The following ITPR1 variants were observed in gnomAD, a reference collection of about 807,000 sequenced individuals.
ITPR1 encodes inositol 1,4,5-trisphosphate-gated calcium channel ITPR1.
In ITPR1, 96 loss-of-function variants were observed where a neutral mutation model predicts 318.4. The ratio of observed to expected loss-of-function variants is 0.30; its 90% CI spans 0.26 to 0.36. The LOEUF is 0.36. ITPR1 is among the 10% of genes least tolerant of loss of function. The probability of loss-of-function intolerance (pLI) is 1.00; values close to 1 mark genes in which losing one functional copy is unlikely to be tolerated. For synonymous variants in ITPR1, 1,312 were observed against 1,289.9 expected, an observed-to-expected ratio of 1.02 and a Z score of -0.37; for missense variants, 2,440 against 3,460.2, an observed-to-expected ratio of 0.71 and a Z score of 7.40.
At chr3:4,791,442 A>G (rs1159940369) in intron 52 of ITPR1, among the ~76,000 whole-genome samples, 1 of 152,126 alleles carries the variant, frequency 6.6e-6, no homozygotes, top group African/African-American at 2.4e-5. Context: ...TCACATGCAC[A>G]GTTCACAATA....
chr3:4,750,158 A>G (rs1199147168), intron 44 of ITPR1: 2 of 151,290 alleles, frequency 1.3e-5, no homozygotes, highest in Admixed American at 6.6e-5. Flanking sequence ...TATCAAATTT[A>G]CTCCTTAATT....
intron 4 of ITPR1, among the ~76,000 whole-genome samples, chr3:4,616,936 A>G (rs1176170977): frequency 6.6e-6 from 1 of 151,994 alleles, no homozygotes; most frequent in Non-Finnish European, 1.5e-5. Flanking sequence ...CGTTGCCTCC[A>G]GGCCAAAGCA....
At chr3:4,782,486 C>A (rs563233960) in intron 49 of ITPR1, 133 bp from the exon 50 acceptor site, 1 of 851,746 alleles carries the variant, frequency 1.2e-6, no homozygotes, top group Non-Finnish European at 1.8e-6. Context: ...GAGGCTGTGT[C>A]CAAGCCCGAT....
intron 60 of ITPR1, among the ~76,000 whole-genome samples, chr3:4,829,517 G>GA (rs2050302067): frequency 6.6e-6 from 1 of 152,070 alleles, no homozygotes; most frequent in Non-Finnish European, 1.5e-5. Flanking sequence ...TTTTTAATAA[G>GA]AAAAAATTAC....
At chr3:4,777,816 A>G (rs959586619) in intron 48 of ITPR1, among the ~76,000 whole-genome samples, 2 of 151,788 alleles carry the variant, frequency 1.3e-5, no homozygotes, top group African/African-American at 4.8e-5. Context: ...AAAAACAAAC[A>G]TGTATTTTTA....
intron 52 of ITPR1, among the ~76,000 whole-genome samples, chr3:4,788,519 A>G (rs2047347695): frequency 6.6e-6 from 1 of 152,232 alleles, no homozygotes; most frequent in African/African-American, 2.4e-5. Flanking sequence ...TGGCTCATTT[A>G]CTAGCACACC....
chr3:4,722,430 TC>T (rs1372122365), intron 40 of ITPR1, among the ~76,000 whole-genome samples: 1 of 152,042 alleles, frequency 6.6e-6, no homozygotes, highest in Middle Eastern at 3.2e-3. Flanking sequence ...CTCAAAATGT[TC>T]CCCCTAAACA....
intron 4 of ITPR1, among the ~76,000 whole-genome samples, chr3:4,525,120 C>T (rs374093592): frequency 7.2e-5 from 11 of 151,852 alleles, no homozygotes; most frequent in African/African-American, 1.7e-4. Context: ...TGGGTGGGGA[C>T]GTGCACATGA....
chr3:4,554,514 G>A (rs1192973277), intron 4 of ITPR1, among the ~76,000 whole-genome samples: 1 of 152,090 alleles, frequency 6.6e-6, no homozygotes, highest in Non-Finnish European at 1.5e-5. Flanking sequence ...TAGGTGCTGG[G>A]GACCTACGGT....
At chr3:4,797,754 A>G (rs928661474) in intron 53 of ITPR1, among the ~76,000 whole-genome samples, 5 of 152,258 alleles carry the variant, frequency 3.3e-5, no homozygotes, top group African/African-American at 9.6e-5. Context: ...GCCAGCTTTA[A>G]CAATTTTGCC....
In ITPR1 at chr3:4,828,484, G is replaced by C. The variant is rs1047670337; in HGVS notation, c.8029-8290G>C. Among the ~76,000 whole-genome samples the C allele has an allele frequency of 1.8e-4, 28 of 152,268 alleles. No individual in the cohort carries two copies. In the South Asian group the frequency reaches 3.3e-3, roughly 18 times the overall value. The stretch of plus-strand genomic sequence containing the variant: ...CTCGCCCTGCCCTTGTCCAGCACGG[G>C]TGGCCGGCCCCACCTTTTTCTCCTC... On this transcript the variant is annotated intron_variant, in intron 60 of 61. Coordinates refer to ENST00000649015, the MANE Select transcript of ITPR1 (RefSeq NM_001378452.1).
At chr3:4,616,599 A>T (rs2092399117) in intron 4 of ITPR1, among the ~76,000 whole-genome samples, 2 of 152,230 alleles carry the variant, frequency 1.3e-5, no homozygotes, top group South Asian at 4.1e-4. Context: ...TGCTGGCTGA[A>T]TGAAGAATTT....
In ITPR1 at chr3:4,624,057, A is replaced by G. The variant is rs187098503; in HGVS notation, c.164-3706A>G. Among the ~76,000 whole-genome samples the G allele has an allele frequency of 9.2e-5, 14 of 152,316 alleles. No homozygotes were observed. In the East Asian group the frequency reaches 2.7e-3, roughly 29 times the overall value. On this transcript the variant is annotated intron_variant, in intron 4 of 61. Transcript: ENST00000649015. ...TGCTTGACTTGCTGGTACTGTGAACAGTTGTAAAATGCTTTCCATTGTCTG... is the reference window on the plus strand; with the variant it reads ...TGCTTGACTTGCTGGTACTGTGAACGGTTGTAAAATGCTTTCCATTGTCTG...
At chr3:4,680,423 C>A in intron 24 of ITPR1, 130 bp from the exon 25 acceptor site, 2 of 752,116 alleles carry the variant, frequency 2.7e-6, no homozygotes, top group Non-Finnish European at 4.4e-6. Context: ...AAGCCAAATA[C>A]TTGGCTCACT....
chr3:4,681,234 T>G, intron 25 of ITPR1, 130 bp from the exon 26 acceptor site: 1 of 674,538 alleles, frequency 1.5e-6, no homozygotes, highest in African/African-American at 1.8e-5. Flanking sequence ...CTGCATAGCT[T>G]TGCAATATAA....
chr3:4,617,293 T>A (rs1157480904), intron 4 of ITPR1, among the ~76,000 whole-genome samples: 1 of 152,110 alleles, frequency 6.6e-6, no homozygotes, highest in Non-Finnish European at 1.5e-5. Flanking sequence ...GGCTCACAGT[T>A]CTGGAGGCTG....
chr3:4,600,978 A>G (rs2091226993), intron 4 of ITPR1, among the ~76,000 whole-genome samples: 1 of 152,160 alleles, frequency 6.6e-6, no homozygotes, highest in South Asian at 2.1e-4. Context: ...GAGTAAATTA[A>G]TTCTTTTCAG....
intron 4 of ITPR1, among the ~76,000 whole-genome samples, chr3:4,579,193 T>G (rs1219564682): frequency 1.3e-5 from 2 of 152,082 alleles, no homozygotes; most frequent in South Asian, 2.1e-4. Context: ...AATTTCTTCT[T>G]CTAAAAGATG....
At chr3:4,542,969 T>C (rs17040880) in intron 4 of ITPR1, among the ~76,000 whole-genome samples, 20,679 of 152,192 alleles carry the variant, frequency 0.14, 1,999 homozygotes, top group East Asian at 0.33. Context: ...ATTGATACTG[T>C]AAGAAATGCA....
Sources: allele counts gnomAD v4.1 joint callset (sites outside exome capture counted in the v4.1 genomes callset), GRCh38; gene constraint gnomAD v4.1.1; transcripts MANE v1.5; gene names NCBI Gene and HGNC (gene_info 2026-07-23, HGNC 2026-07-21).